The following SGCZ variants were observed in gnomAD, a reference collection of about 807,000 sequenced individuals.
The protein encoded by SGCZ is zeta-sarcoglycan.
Under a neutral mutation model 41.3 loss-of-function variants are expected in SGCZ, and 40 were observed. That is an observed-to-expected ratio of 0.97 (90% CI 0.75 to 1.26). The LOEUF (loss-of-function observed/expected upper bound fraction) is 1.26. Among genes scored for constraint, SGCZ ranks in the 50% most tolerant of loss-of-function variants. The pLI is 0.00. For synonymous variants in SGCZ, 206 were observed against 137.5 expected (o/e 1.50, Z -3.49); for missense variants, 552 against 369.8 (o/e 1.49, Z -4.04).
chr8:15,172,706 C>A (rs563579728), intron 1 of SGCZ, among the ~76,000 whole-genome samples: 1 of 152,168 alleles, frequency 6.6e-6, no homozygotes, highest in South Asian at 2.1e-4. Context: ...AAAAATCTTC[C>A]TGGGATAGAA....
Position 14,718,386 on chromosome 8 carries a change from A to G in SGCZ, c.40-163460T>C, listed in dbSNP as rs76487693. Reference sequence around the variant, plus strand: ...AGAAAGCAAAATGTCACTAAAAAAAAGAGAGAAACCAATATTATCTATATA... The same window carrying G: ...AGAAAGCAAAATGTCACTAAAAAAAGGAGAGAAACCAATATTATCTATATA... On this transcript the variant is annotated intron_variant, in intron 1 of 7. Transcript: ENST00000382080. 3.0e-4 allele frequency among the ~76,000 whole-genome samples: 46 copies of G among 152,170 alleles called. 1 individual carries two copies. In the East Asian group the frequency reaches 8.6e-3, roughly 28 times the overall value.
intron 1 of SGCZ, among the ~76,000 whole-genome samples, chr8:14,685,054 T>A (rs550141372): frequency 5.9e-5 from 9 of 152,154 alleles, no homozygotes; most frequent in African/African-American, 2.2e-4. Flanking sequence ...GTAGAGCAAG[T>A]CTTCAGCCTC....
intron 1 of SGCZ, among the ~76,000 whole-genome samples, chr8:14,798,341 C>T (rs7845724): frequency 1.3e-5 from 2 of 152,100 alleles, no homozygotes; most frequent in Non-Finnish European, 2.9e-5. Flanking sequence ...TTTTATTTTA[C>T]AATTCATCTT....
At chr8:14,309,851 TTTTTTTTTC>T (rs1356715821) in intron 3 of SGCZ, among the ~76,000 whole-genome samples, 2 of 150,570 alleles carry the variant, frequency 1.3e-5, no homozygotes, top group Non-Finnish European at 3.0e-5. Context: ...CTGTGTTCAT[TTTTTTTTTC>T]TTTTTTTGGC....
chr8:14,560,524 C>T (rs551463104), intron 1 of SGCZ, among the ~76,000 whole-genome samples: 1 of 151,934 alleles, frequency 6.6e-6, no homozygotes, highest in African/African-American at 2.4e-5. Flanking sequence ...AGACCTTCCC[C>T]TTGTAGAGTT....
At chr8:14,552,951 T>C (rs1803917829) in intron 2 of SGCZ, among the ~76,000 whole-genome samples, 1 of 152,060 alleles carries the variant, frequency 6.6e-6, no homozygotes, top group South Asian at 2.1e-4. Flanking sequence ...ATGCCTTTGA[T>C]AGAGAAAATC....
intron 2 of SGCZ, among the ~76,000 whole-genome samples, chr8:14,498,295 G>C (rs899551974): frequency 2.6e-5 from 4 of 151,756 alleles, no homozygotes; most frequent in Admixed American, 2.6e-4. Flanking sequence ...GGAATTTTTT[G>C]GTTTAGTAAA....
chr8:14,308,627 T>C (rs988635806), intron 3 of SGCZ, among the ~76,000 whole-genome samples: 15 of 152,008 alleles, frequency 9.9e-5, no homozygotes, highest in African/African-American at 2.9e-4. Context: ...AAAAAATTTA[T>C]AAAACATCCA....
chr8:14,817,733 T>C (rs942719702), intron 1 of SGCZ, among the ~76,000 whole-genome samples: 1 of 152,152 alleles, frequency 6.6e-6, no homozygotes, highest in Non-Finnish European at 1.5e-5. Flanking sequence ...AGCTGCTAAA[T>C]AGCCAGCTGA....
At chr8:14,978,288 T>G (rs1425325717) in intron 1 of SGCZ, among the ~76,000 whole-genome samples, 20 of 150,622 alleles carry the variant, frequency 1.3e-4, no homozygotes, top group Non-Finnish European at 1.5e-5. Flanking sequence ...GCCAACATGG[T>G]GAAATCTCGC....
At chr8:14,785,685 A>T (rs1321018192) in intron 1 of SGCZ, among the ~76,000 whole-genome samples, 1 of 152,192 alleles carries the variant, frequency 6.6e-6, no homozygotes, top group African/African-American at 2.4e-5. Context: ...TAAGCTATTT[A>T]TACTACAGAC....
At chr8:14,435,017 C>T (rs1324840308) in intron 2 of SGCZ, among the ~76,000 whole-genome samples, 1 of 152,020 alleles carries the variant, frequency 6.6e-6, no homozygotes, top group Admixed American at 6.6e-5. Context: ...AAAATAATTA[C>T]CAATTTTGTT....
intron 1 of SGCZ, among the ~76,000 whole-genome samples, chr8:14,695,751 C>G (rs1808939334): frequency 6.6e-6 from 1 of 151,716 alleles, no homozygotes; most frequent in Non-Finnish European, 1.5e-5. Context: ...GCATGCATAT[C>G]TAAGGGCACA....
At chr8:14,527,954 A>G (rs1452742849) in intron 2 of SGCZ, among the ~76,000 whole-genome samples, 1 of 152,076 alleles carries the variant, frequency 6.6e-6, no homozygotes, top group Non-Finnish European at 1.5e-5. Flanking sequence ...GTGAGCAGGA[A>G]CACTTGTGAG....
At chr8:14,687,630 T>C (rs1808658739) in intron 1 of SGCZ, among the ~76,000 whole-genome samples, 1 of 151,876 alleles carries the variant, frequency 6.6e-6, no homozygotes, top group South Asian at 2.1e-4. Context: ...GTCTTTGCTA[T>C]TGTGAATAGT....
chr8:15,216,282 C>A (rs1462663272), intron 1 of SGCZ, among the ~76,000 whole-genome samples: 10 of 144,330 alleles, frequency 6.9e-5, no homozygotes, highest in Non-Finnish European at 1.5e-5. Flanking sequence ...TGCAGCGGCA[C>A]GATCTCGGCT....
chr8:14,830,492 A>G (rs1802487606), intron 1 of SGCZ, among the ~76,000 whole-genome samples: 1 of 152,078 alleles, frequency 6.6e-6, no homozygotes. Context: ...TTCTACATAT[A>G]CCTATTAGAA....
intron 2 of SGCZ, among the ~76,000 whole-genome samples, chr8:14,496,426 G>A (rs1392871128): frequency 6.6e-6 from 1 of 152,136 alleles, no homozygotes; most frequent in South Asian, 2.1e-4. Context: ...ATGAATACAA[G>A]TAGTAAGTAG....
intron 1 of SGCZ, among the ~76,000 whole-genome samples, chr8:14,784,805 G>A (rs1220863389): frequency 6.7e-6 from 1 of 149,512 alleles, no homozygotes; most frequent in Non-Finnish European, 1.5e-5. Context: ...AGGAGGCTGA[G>A]GCAGGAGAAT....
Sources: allele counts gnomAD v4.1 joint callset (sites outside exome capture counted in the v4.1 genomes callset), GRCh38; gene constraint gnomAD v4.1.1; transcripts MANE v1.5; gene names NCBI Gene and HGNC (gene_info 2026-07-23, HGNC 2026-07-21).